Variants in CCNJ observed in about 807,000 individuals in gnomAD.
CCNJ encodes cyclin J.
CCNJ carries 12 observed loss-of-function variants against 41.4 expected under a neutral mutation model. That is an observed-to-expected ratio of 0.29 (90% CI 0.19 to 0.47). The LOEUF (loss-of-function observed/expected upper bound fraction) is 0.47, where lower values mean the gene tolerates loss of function less well. Among genes scored for constraint, CCNJ ranks in the 20% least tolerant of loss-of-function variants. The pLI, the probability that CCNJ is intolerant of heterozygous loss-of-function variation, is 1.00. For synonymous variants in CCNJ, 161 were observed against 173.4 expected, an observed-to-expected ratio of 0.93 and a Z score of 0.56; for missense variants, 340 against 464.6, an observed-to-expected ratio of 0.73 and a Z score of 2.47.
At chr10:96,052,757 T>C (rs2080565112) in intron 3 of CCNJ, among the ~76,000 whole-genome samples, 1 of 152,214 alleles carries the variant, frequency 6.6e-6, no homozygotes, top group Non-Finnish European at 1.5e-5. Context: ...CTCCCTCCTT[T>C]TTCTGCTGAT....
intron 1 of CCNJ, among the ~76,000 whole-genome samples, chr10:96,044,040 A>G (rs1183750524): frequency 6.6e-6 from 1 of 152,176 alleles, no homozygotes; most frequent in Non-Finnish European, 1.5e-5. Flanking sequence ...AGGGAGCCCC[A>G]GCCGGGCCTC....
chr10:96,047,621 G>A (rs2080400562), intron 2 of CCNJ, among the ~76,000 whole-genome samples: 1 of 152,126 alleles, frequency 6.6e-6, no homozygotes, highest in African/African-American at 2.4e-5. Context: ...CTGGGCTACA[G>A]GAAACCCTGT....
upstream of CCNJ, chr10:96,043,447 C>T (rs958905027): frequency 2.6e-6 from 1 of 381,148 alleles, no homozygotes; most frequent in African/African-American, 2.1e-5. Context: ...CCGCCTGGCG[C>T]TGCACCTGGG....
At position 96,057,743 on chromosome 10, in the gene CCNJ, C is replaced by G. The variant is rs552633692; in HGVS notation, c.741-87C>G. 449 of 1,205,978 alleles carry G rather than the reference C, an allele frequency of 3.7e-4. 3 individuals carry two copies. In the Middle Eastern group the frequency reaches 4.5e-3, roughly 12 times the overall value. 74.7% of individuals were successfully genotyped at this position (1,205,978 alleles called of 1,614,324 possible). A position where few individuals can be genotyped will look rare whatever the true frequency, so the allele number is the denominator to read the frequency against. On this transcript the variant is annotated intron_variant, in intron 5 of 5. Transcript: ENST00000465148. ...ACCTGGGTAGTGGTGGTGGAAGAAG[C>G]TGTTGAGTTGGGGATGGGGCATGAT...
chr10:96,057,834 C>T lies in CCNJ; in HGVS notation c.745C>T (p.His249Tyr). The T allele has an allele frequency of 6.2e-7, 1 of 1,613,016 alleles. No individual in the cohort carries two copies. The highest frequency in any genetic ancestry group is 8.5e-7 in the Non-Finnish European group (1 of 1,179,306). Residue 249 changes from histidine to tyrosine, a missense_variant, in exon 6 of 6, where the codon CAT (histidine) becomes TAT (tyrosine). By Grantham distance (83) the His-to-Tyr change is moderately conservative. This residue lies in a region of CCNJ where 159 missense variants were observed against 168.2 expected (regional missense o/e 0.95). Coordinates refer to ENST00000465148, the MANE Select transcript of CCNJ (RefSeq NM_001134375.2). ...TCCTTTCTCTCCACGTTTCAGCGCT[C>T]ATGATAATGATGTGAAAGAAGCAAA... is the stretch of plus-strand genomic sequence containing the variant. ...VQCIERLLIA[H>Y]DNDVKEANKQ...
rs577531013 is a variant in CCNJ at position 96,044,116 on chromosome 10, C to T, written c.-41-237C>T. Reference sequence around the variant, plus strand: ...GCAACTCAGGGCCCGAGTGGATCCCCTTTTGCCCGACACATAGTCGAGCAG... The same window carrying T: ...GCAACTCAGGGCCCGAGTGGATCCCTTTTTGCCCGACACATAGTCGAGCAG... On this transcript the variant is annotated intron_variant, in intron 1 of 5. Transcript: ENST00000465148. Among the ~76,000 whole-genome samples, 14 of 152,356 alleles carry T rather than the reference C, an allele frequency of 9.2e-5. No individual in the cohort carries two copies. The South Asian group carries it at 2.1e-3, about 23-fold the overall frequency.
Position 96,050,428 on chromosome 10 carries a change from A to G in CCNJ, c.242A>G (p.Gln81Arg). The stretch of plus-strand genomic sequence containing the variant: ...GACCGCTATGACATCTCTATCCAGC[A>G]GCTGCATTTAGTTGCGCTTTCCTGC... ...FMDRYDISIQ[Q>R]LHLVALSCLL... Residue 81 changes from glutamine (Q) to arginine (R), a missense_variant, in exon 3 of 6, where the codon CAG (glutamine) becomes CGG (arginine). This residue lies in a region of CCNJ where 137 missense variants were observed against 252.9 expected (regional missense o/e 0.54). Transcript: ENST00000465148. 4 of 1,614,140 alleles carry G rather than the reference A, an allele frequency of 2.5e-6. No individual in the cohort carries two copies. Among genetic ancestry groups the G allele is most frequent in the Non-Finnish European group, 3.4e-6 (4 of 1,179,994 alleles).
intron 5 of CCNJ, among the ~76,000 whole-genome samples, chr10:96,057,477 G>A (rs1382077628): frequency 1.3e-5 from 2 of 152,174 alleles, no homozygotes; most frequent in African/African-American, 4.8e-5. Context: ...GTGTGTGTCT[G>A]TAAGTCTGTA....
At chr10:96,053,583 C>A (rs2080592731) in intron 3 of CCNJ, among the ~76,000 whole-genome samples, 1 of 152,156 alleles carries the variant, frequency 6.6e-6, no homozygotes, top group Non-Finnish European at 1.5e-5. Flanking sequence ...ACCAACATTA[C>A]ATTTATGGAG....
intron 3 of CCNJ, among the ~76,000 whole-genome samples, chr10:96,055,918 T>C (rs2080672565): frequency 6.6e-6 from 1 of 152,212 alleles, no homozygotes; most frequent in African/African-American, 2.4e-5. Flanking sequence ...CTCCAGTCTC[T>C]CTCTGGAATT....
chr10:96,060,688 T>C lies in CCNJ; in HGVS notation c.*2447T>C, dbSNP rs1280501841. 6.6e-6 allele frequency: 1 copy of C among 151,708 alleles called. No homozygotes were observed. The highest frequency in any genetic ancestry group is 2.4e-5 in the African/African-American group (1 of 41,082). The allele number at this position is 151,708 out of a possible 1,614,324, so 9.4% of individuals were successfully genotyped here. A position where few individuals can be genotyped will look rare whatever the true frequency, so the allele number is the denominator to read the frequency against. Reference sequence around the variant, plus strand: ...TAAATGTGTACTGTGAAGAGATTAATATGTATGAAGGGCTTTACCAAAGTC... The same window carrying C: ...TAAATGTGTACTGTGAAGAGATTAACATGTATGAAGGGCTTTACCAAAGTC... On this transcript the variant is annotated 3_prime_UTR_variant, in exon 6 of 6. Transcript: ENST00000465148.
At chr10:96,054,153 C>A (rs2080611675) in intron 3 of CCNJ, among the ~76,000 whole-genome samples, 1 of 152,136 alleles carries the variant, frequency 6.6e-6, no homozygotes, top group African/African-American at 2.4e-5. Context: ...GCCTCTAATT[C>A]TTTATTTTCT....
rs2080718092 is a variant in CCNJ at position 96,057,177 on chromosome 10, C to G, written c.670C>G (p.Pro224Ala). The change falls in exon 5 of 6, where the codon CCT (proline) becomes GCT (alanine). Residue 224 changes from proline (P) to alanine (A), a missense_variant. Around this residue, in one of 3 missense-constraint regions of CCNJ, gnomAD observed 137 missense variants for 252.9 expected, o/e 0.54. Transcript: ENST00000465148. Reference sequence around the variant, plus strand: ...TATACTTCGTCTTTCTCCAACGTGGCCTACAAGACTACATCGTCTTACTGC... The same window carrying G: ...TATACTTCGTCTTTCTCCAACGTGGGCTACAAGACTACATCGTCTTACTGC... ...RIILRLSPTW[P>A]TRLHRLTAYS... The G allele has an allele frequency of 6.2e-7, 1 of 1,613,626 alleles. No individual in the cohort carries two copies. The highest frequency in any genetic ancestry group is 1.3e-5 in the African/African-American group (1 of 74,902).
intron 3 of CCNJ, among the ~76,000 whole-genome samples, chr10:96,051,360 G>A (rs575136089): frequency 6.6e-5 from 10 of 152,136 alleles, no homozygotes; most frequent in Non-Finnish European, 1.3e-4. Context: ...GTGGAAGATT[G>A]TATTTGATAT....
intron 2 of CCNJ, among the ~76,000 whole-genome samples, chr10:96,046,305 G>A (rs1002590171): frequency 3.9e-5 from 6 of 152,312 alleles, no homozygotes; most frequent in Non-Finnish European, 8.8e-5. Flanking sequence ...GCAAACCATG[G>A]TTCTTACTGG....
chr10:96,050,512 T>C, intron 3 of CCNJ, 46 bp downstream of exon 3: 5 of 1,354,502 alleles, frequency 3.7e-6, no homozygotes, highest in Non-Finnish European at 5.3e-6. Context: ...CTGATGTTTA[T>C]ATAATAAAAT....
upstream of CCNJ, chr10:96,043,567 C>G (rs943633408): frequency 2.5e-6 from 1 of 395,012 alleles, no homozygotes; most frequent in East Asian, 3.6e-5. Context: ...TATGCGGAGC[C>G]GCCTGCCGGT....
At chr10:96,050,127 A>T in intron 2 of CCNJ, 129 bp from the exon 3 acceptor site, 2 of 697,492 alleles carry the variant, frequency 2.9e-6, no homozygotes, top group South Asian at 1.9e-5. Flanking sequence ...TCATTTTTGT[A>T]TTCCAGTCAA....
intron 5 of CCNJ, 60 bp downstream of exon 5, chr10:96,057,307 G>C: frequency 6.8e-7 from 1 of 1,469,242 alleles, no homozygotes. Flanking sequence ...CATGTATGAG[G>C]TGCCCTGAAA....
Sources: allele counts gnomAD v4.1 joint callset (sites outside exome capture counted in the v4.1 genomes callset), GRCh38; gene constraint gnomAD v4.1.1; regional missense constraint gnomAD v4.1.1; transcripts MANE v1.5; gene names NCBI Gene and HGNC (gene_info 2026-07-23, HGNC 2026-07-21).